The following GCAT variants were observed in gnomAD, a reference collection of about 807,000 sequenced individuals.
GCAT encodes the protein glycine C-acetyltransferase.
GCAT carries 26 observed loss-of-function variants against 39.7 expected under a neutral mutation model. The observed-to-expected ratio is 0.65, with a 90% CI of 0.48 to 0.91. The LOEUF (loss-of-function observed/expected upper bound fraction) is 0.91, where lower values mean the gene tolerates loss of function less well. Among genes scored for constraint, GCAT ranks in the 40% least tolerant of loss-of-function variants. The probability of loss-of-function intolerance (pLI) is 0.00; values close to 1 mark genes in which losing one functional copy is unlikely to be tolerated. For synonymous variants in GCAT, 218 were observed against 237.2 expected (o/e 0.92, Z 0.74); for missense variants, 550 against 576.2 (o/e 0.95, Z 0.47).
At position 37,808,093 on chromosome 22, in the gene GCAT, C is replaced by A; in HGVS notation, c.126C>A (p.Gly42=). ...AGCTGGAAGGCATCCGCGGAGCTGG[C>A]ACTTGGAAGAGTGAGCGGGTCATCA... ...EGELEGIRGA[G]TWKSERVITS... is the part of the protein sequence containing the mutation. The change falls in exon 1 of 9, where the codon GGC becomes GGA. Residue 42 remains glycine, a synonymous_variant. Coordinates refer to ENST00000248924, the MANE Select transcript of GCAT (RefSeq NM_014291.4). 3.2e-6 allele frequency: 5 copies of A among 1,574,014 alleles called. No individual in the cohort carries two copies. Among genetic ancestry groups the A allele is most frequent in the Non-Finnish European group, 4.3e-6 (5 of 1,161,924 alleles).
rs151170471 is a variant in GCAT at position 37,816,650 on chromosome 22, G to A, written c.1192G>A (p.Glu398Lys). ...GGTACAGATCTCAGCAGTGCATAGC[G>A]AGGAAGACATTGACCGCTGCGTGGA... ...IRVQISAVHS[E>K]EDIDRCVEAF... Residue 398 changes from glutamate to lysine, a missense_variant, in exon 9 of 9, where the codon GAG becomes AAG. Glu to Lys is a moderately conservative substitution (Grantham distance 56, BLOSUM62 1). Transcript: ENST00000248924. 160 of 1,614,026 alleles carry A rather than the reference G, an allele frequency of 9.9e-5. No homozygotes were observed. Among genetic ancestry groups the A allele is most frequent in the South Asian group, 2.1e-4 (19 of 91,092 alleles).
At chr22:37,816,111 TG>T (rs1922162606) in intron 7 of GCAT, 88 bp from the exon 8 acceptor site, 3 of 1,476,030 alleles carry the variant, frequency 2.0e-6, no homozygotes, top group Non-Finnish European at 2.7e-6. Context: ...CTTGCAGACT[TG>T]GGCATAGACC....
At chr22:37,815,962 C>A in intron 7 of GCAT, 128 bp downstream of exon 7, 2 of 1,116,500 alleles carry the variant, frequency 1.8e-6, no homozygotes, top group Non-Finnish European at 2.6e-6. Flanking sequence ...CCTCCCTTCT[C>A]TCTGTCCCTG....
intron 8 of GCAT, 42 bp from the exon 9 acceptor site, chr22:37,816,525 A>G: frequency 6.2e-7 from 1 of 1,610,776 alleles, no homozygotes; most frequent in East Asian, 2.2e-5. Flanking sequence ...TCTGCCCCCA[A>G]GCCTGTTGGT....
chr22:37,815,110 C>T lies in GCAT; in HGVS notation c.577-16C>T, dbSNP rs111585083. ...AACTTGACACCACCCACCATCTGCT[C>T]ATGTCTTTCCTGCAGAAGCATCGGC... On this transcript the variant is annotated splice_polypyrimidine_tract_variant and intron_variant, in intron 4 of 8. Transcript: ENST00000248924. 3.7e-6 allele frequency: 6 copies of T among 1,612,674 alleles called. No individual in the cohort carries two copies. Among genetic ancestry groups the T allele is most frequent in the African/African-American group, 1.3e-5 (1 of 74,924 alleles).
Position 37,808,077 on chromosome 22 carries a change from G to A in GCAT, c.110G>A (p.Gly37Asp), listed in dbSNP as rs1479507698. ...GGCATTCTGGAGGGGGAGCTGGAAG[G>A]CATCCGCGGAGCTGGCACTTGGAAG... Reference protein sequence around the residue: ...LRGILEGELEGIRGAGTWKSE... With the variant: ...LRGILEGELEDIRGAGTWKSE... Residue 37 changes from glycine to aspartate, a missense_variant, in exon 1 of 9, where the codon GGC becomes GAC. This residue lies in a region of GCAT where 154 missense variants were observed against 141.9 expected (regional missense o/e 1.08). Transcript: ENST00000248924. 1 of 1,571,430 alleles carries A rather than the reference G, an allele frequency of 6.4e-7. No homozygotes were observed. Among genetic ancestry groups the A allele is most frequent in the South Asian group, 1.2e-5 (1 of 85,660 alleles).
chr22:37,811,913 A>G (rs1432369935), intron 2 of GCAT, among the ~76,000 whole-genome samples: 1 of 150,810 alleles, frequency 6.6e-6, no homozygotes, highest in Non-Finnish European at 1.5e-5. Context: ...GTATTAACTC[A>G]TTAATCCTAA....
chr22:37,816,980 G>A, downstream of GCAT: 1 of 433,054 alleles, frequency 2.3e-6, no homozygotes, highest in Non-Finnish European at 4.2e-6. Flanking sequence ...GGCTCTGAGG[G>A]GAGGCGCCTG....
Position 37,810,010 on chromosome 22 carries a change from CCT to C in GCAT, c.197-13_197-12del, listed in dbSNP as rs781647699. 1.6e-5 allele frequency: 26 copies of C among 1,613,606 alleles called. No homozygotes were observed. In the East Asian group the frequency reaches 5.6e-4, roughly 35 times the overall value. ...CCCACCTGAGCTGCTGTATCCATCT[CCT>C]CTCCTTCACCTCAGGAATCCTTAAC... On this transcript the variant is annotated splice_polypyrimidine_tract_variant and intron_variant, in intron 1 of 8. Coordinates refer to ENST00000248924, the MANE Select transcript of GCAT (RefSeq NM_014291.4).
intron 2 of GCAT, 105 bp downstream of exon 2, chr22:37,810,262 C>A: frequency 1.2e-6 from 1 of 823,548 alleles, no homozygotes; most frequent in South Asian, 1.5e-5. Context: ...AGCCCTGGGC[C>A]TACTGTTGGC....
intron 1 of GCAT, 43 bp downstream of exon 1, chr22:37,808,206 CTT>C: frequency 1.4e-6 from 2 of 1,402,882 alleles, no homozygotes; most frequent in Non-Finnish European, 1.9e-6. Flanking sequence ...CTTTCCCGAG[CTT>C]GCGCTGGAAT....
At chr22:37,812,802 CTG>C in intron 2 of GCAT, 83 bp from the exon 3 acceptor site, 4 of 912,100 alleles carry the variant, frequency 4.4e-6, no homozygotes, top group Non-Finnish European at 5.4e-6. Flanking sequence ...GGTTGGGTCT[CTG>C]TGGTCCTCCA....
At chr22:37,815,528 C>T (rs753061557) in intron 6 of GCAT, 28 bp downstream of exon 6, 140 of 1,578,526 alleles carry the variant, frequency 8.9e-5, no homozygotes, top group Non-Finnish European at 1.2e-4. Context: ...TCCCTGGGGT[C>T]CCCTTGTCCT....
rs1922261542 is a variant in GCAT, at chr22:37,816,841, G to A, written c.*123G>A. 1.5e-5 allele frequency: 14 copies of A among 925,124 alleles called. No homozygotes were observed. The highest frequency in any genetic ancestry group is 1.0e-5 in the Non-Finnish European group (6 of 602,714). 57.3% of individuals were successfully genotyped at this position (925,124 alleles called of 1,614,324 possible). A position where few individuals can be genotyped will look rare whatever the true frequency, so the allele number is the denominator to read the frequency against. On this transcript the variant is annotated 3_prime_UTR_variant, in exon 9 of 9. Transcript: ENST00000248924. ...CAAAGTCCCAGAGCTGGGCTGGGAC[G>A]TGACCTGTGCTGAGGGCTGTGAGAA...
intron 7 of GCAT, 43 bp downstream of exon 7, chr22:37,815,877 G>A (rs760932207): frequency 1.9e-5 from 30 of 1,605,178 alleles, no homozygotes; most frequent in Middle Eastern, 1.8e-4. Flanking sequence ...GAGAGACGTG[G>A]TGAGAGCCAG....
rs777957400 is a variant in GCAT, at chr22:37,815,443, A to T, written c.757A>T (p.Met253Leu). The T allele has an allele frequency of 6.2e-7, 1 of 1,610,688 alleles. No individual in the cohort carries two copies. Among genetic ancestry groups the T allele is most frequent in the Non-Finnish European group, 8.5e-7 (1 of 1,178,980 alleles). Residue 253 changes from methionine (M) to leucine (L), a missense_variant, in exon 6 of 9, where the codon ATG (methionine) becomes TTG (leucine). By Grantham distance (15) the Met-to-Leu change is conservative. Transcript: ENST00000248924. ...GRGTDELLGV[M>L]DQVTIINSTL... is the part of the protein sequence containing the mutation. ...GGGCACAGATGAGCTGCTGGGTGTG[A>T]TGGACCAGGTCACCATCATCAACTC...
At chr22:37,812,491 A>G (rs1283624881) in intron 2 of GCAT, among the ~76,000 whole-genome samples, 1 of 152,200 alleles carries the variant, frequency 6.6e-6, no homozygotes, top group Non-Finnish European at 1.5e-5. Context: ...CCCAGACCCA[A>G]CAGTTTTCAA....
intron 2 of GCAT, among the ~76,000 whole-genome samples, chr22:37,812,462 C>G (rs1414529934): frequency 1.3e-5 from 2 of 152,198 alleles, no homozygotes; most frequent in African/African-American, 4.8e-5. Context: ...CATCCAGTCA[C>G]TTCCCAGCAA....
At position 37,813,495 on chromosome 22, in the gene GCAT, G is replaced by T. The variant is rs202168968; in HGVS notation, c.462G>T (p.Ser154=). The part of the protein sequence containing the change: ...ALLTPEDAVL[S]DELNHASIID... The stretch of plus-strand genomic sequence containing the variant: ...TGACCCCAGAGGACGCAGTCCTGTC[G>T]GACGAGCTGAACCATGCCTCCATCA... The change falls in exon 4 of 9, where the codon TCG becomes TCT. Residue 154 remains serine (S), a synonymous_variant. Transcript: ENST00000248924. 4 of 1,609,188 alleles carry T rather than the reference G, an allele frequency of 2.5e-6. No individual in the cohort carries two copies. The Admixed American group carries it at 6.7e-5, about 27-fold the overall frequency.
Sources: gnomAD v4.1 joint callset for allele counts (sites outside exome capture counted in the v4.1 genomes callset) on GRCh38, gnomAD v4.1.1 for gene constraint, gnomAD v4.1.1 regional missense constraint, MANE v1.5 for transcripts, NCBI Gene and HGNC (gene_info 2026-07-23, HGNC 2026-07-21) for gene names.